Variants in RHEB observed in about 807,000 individuals in gnomAD.
The protein encoded by RHEB is GTP-binding protein Rheb.
In RHEB, 2 loss-of-function variants were observed where a neutral mutation model predicts 28.8. The observed-to-expected ratio is 0.07, with a 90% CI of 0.03 to 0.22. The LOEUF is 0.22. Among genes scored for constraint, RHEB ranks in the 10% least tolerant of loss-of-function variants. The probability of loss-of-function intolerance (pLI) is 1.00; values close to 1 mark genes in which losing one functional copy is unlikely to be tolerated. For synonymous variants in RHEB, 69 were observed against 77.3 expected (o/e 0.89, Z 0.56); for missense variants, 76 against 219.9 (o/e 0.35, Z 4.14).
intron 4 of RHEB, among the ~76,000 whole-genome samples, chr7:151,473,383 T>C (rs1802200315): frequency 6.6e-6 from 1 of 152,152 alleles, no homozygotes; most frequent in South Asian, 2.1e-4. Flanking sequence ...CAGGCAAGCC[T>C]TCAGATGGGA....
intron 1 of RHEB, chr7:151,502,257 A>C: frequency 1.9e-6 from 1 of 536,558 alleles, no homozygotes; most frequent in Non-Finnish European, 3.4e-6. Context: ...AGGAGCTTGG[A>C]GGCAGCCTGC....
intron 1 of RHEB, among the ~76,000 whole-genome samples, chr7:151,506,290 T>A (rs892455072): frequency 2.0e-5 from 3 of 151,812 alleles, no homozygotes; most frequent in African/African-American, 7.3e-5. Context: ...TCTCAAATGA[T>A]CCTCTCACCT....
chr7:151,513,714 C>A (rs868866028), intron 1 of RHEB, among the ~76,000 whole-genome samples: 18 of 152,120 alleles, frequency 1.2e-4, no homozygotes, highest in African/African-American at 4.1e-4. Flanking sequence ...TATGAAGTTT[C>A]GGTATCAAAG....
chr7:151,493,659 A>C lies in RHEB; in HGVS notation c.53-2645T>G, dbSNP rs184096375. Among the ~76,000 whole-genome samples, 150 of 152,360 alleles carry C rather than the reference A, an allele frequency of 9.8e-4. 4 individuals carry two copies. The East Asian group carries it at 0.019, about 19-fold the overall frequency. On this transcript the variant is annotated intron_variant, in intron 1 of 7. Coordinates refer to ENST00000262187, the MANE Select transcript of RHEB (RefSeq NM_005614.4). ...AAACACAGTTCAACAGAAATTAAGAAACAATTCAATTAGTATTTATTGGTA... is the reference window on the plus strand; with the variant it reads ...AAACACAGTTCAACAGAAATTAAGACACAATTCAATTAGTATTTATTGGTA...
At chr7:151,485,944 A>G (rs901457235) in intron 2 of RHEB, among the ~76,000 whole-genome samples, 1 of 152,256 alleles carries the variant, frequency 6.6e-6, no homozygotes, top group Non-Finnish European at 1.5e-5. Context: ...TCCGGAAGTT[A>G]TCACTTTTAG....
chr7:151,487,772 A>G (rs1479270619), intron 2 of RHEB, among the ~76,000 whole-genome samples: 4 of 152,186 alleles, frequency 2.6e-5, no homozygotes, highest in Non-Finnish European at 5.9e-5. Context: ...ACTCTCCTTG[A>G]GCCCCTTTCT....
chr7:151,501,659 G>A (rs1802773381), intron 1 of RHEB, among the ~76,000 whole-genome samples: 1 of 152,172 alleles, frequency 6.6e-6, no homozygotes, highest in Non-Finnish European at 1.5e-5. Context: ...GTTTATACTG[G>A]TTTTACTCAT....
In RHEB at chr7:151,468,295, AACCAC is replaced by A. The variant is rs1230045033; in HGVS notation, c.463-1089_463-1085del. ...TATTATTACATCTCCCCTGTCCCTTAACCACTTCTTGCTGCTCCTTTCCCTCTCGG... is the reference window on the plus strand; with the variant it reads ...TATTATTACATCTCCCCTGTCCCTTATTCTTGCTGCTCCTTTCCCTCTCGG... On this transcript the variant is annotated intron_variant, in intron 7 of 7. Transcript: ENST00000262187. The surrounding 1 kb of genome is among the most constrained non-coding windows in gnomAD (Gnocchi z 4.3). 3.3e-5 allele frequency among the ~76,000 whole-genome samples: 5 copies of A among 152,146 alleles called. No homozygotes were observed. The highest frequency in any genetic ancestry group is 1.2e-4 in the African/African-American group (5 of 41,440).
intron 1 of RHEB, among the ~76,000 whole-genome samples, chr7:151,507,950 A>G (rs988001620): frequency 8.5e-5 from 13 of 152,204 alleles, no homozygotes; most frequent in Non-Finnish European, 1.5e-5. Flanking sequence ...AAAGGCCATA[A>G]AACTGTTTCC....
chr7:151,493,208 C>T (rs188973738), intron 1 of RHEB, among the ~76,000 whole-genome samples: 1 of 152,226 alleles, frequency 6.6e-6, no homozygotes, highest in Admixed American at 6.5e-5. Flanking sequence ...CCACTCTGAC[C>T]TCATCCGCCA....
intron 1 of RHEB, among the ~76,000 whole-genome samples, chr7:151,506,152 G>C (rs745720035): frequency 3.5e-4 from 52 of 150,338 alleles, no homozygotes; most frequent in Non-Finnish European, 6.6e-4. Context: ...ACTTGATTTA[G>C]GAAAAAAAGA....
intron 1 of RHEB, among the ~76,000 whole-genome samples, chr7:151,515,851 T>C (rs1803067223): frequency 6.6e-6 from 1 of 152,220 alleles, no homozygotes; most frequent in African/African-American, 2.4e-5. Flanking sequence ...CAAAGCTGTT[T>C]CATTTTCCCC....
At chr7:151,479,082 T>C (rs1351339393) in intron 3 of RHEB, among the ~76,000 whole-genome samples, 2 of 151,988 alleles carry the variant, frequency 1.3e-5, no homozygotes, top group Non-Finnish European at 2.9e-5. Context: ...GGCAGCTGAG[T>C]AGAAATCATA....
At chr7:151,505,660 A>G (rs919331387) in intron 1 of RHEB, among the ~76,000 whole-genome samples, 1 of 152,228 alleles carries the variant, frequency 6.6e-6, no homozygotes, top group Non-Finnish European at 1.5e-5. Context: ...GGTATTTACC[A>G]AAGAGAAATG....
At chr7:151,505,976 G>T (rs565778260) in intron 1 of RHEB, among the ~76,000 whole-genome samples, 3 of 152,092 alleles carry the variant, frequency 2.0e-5, no homozygotes, top group Non-Finnish European at 2.9e-5. Context: ...GTGCTTCCCG[G>T]GGAGCTGGGG....
intron 7 of RHEB, 56 bp downstream of exon 7, chr7:151,470,515 A>G: frequency 8.3e-7 from 1 of 1,205,068 alleles, no homozygotes; most frequent in Non-Finnish European, 1.2e-6. Context: ...TGCAAGGAAC[A>G]CATCCCTGCG....
At chr7:151,476,683 C>T (rs1360566835) in intron 4 of RHEB, among the ~76,000 whole-genome samples, 1 of 152,212 alleles carries the variant, frequency 6.6e-6, no homozygotes, top group Non-Finnish European at 1.5e-5. Context: ...CCACCAAACG[C>T]CCTCCACTGG....
At chr7:151,471,673 G>T in intron 4 of RHEB, 68 bp from the exon 5 acceptor site, 1 of 1,008,790 alleles carries the variant, frequency 9.9e-7, no homozygotes, top group Non-Finnish European at 1.5e-6. Context: ...ATGTTATGTT[G>T]CCAGCTGGAA....
intron 3 of RHEB, among the ~76,000 whole-genome samples, chr7:151,482,058 T>G (rs1325745432): frequency 6.6e-6 from 1 of 152,244 alleles, no homozygotes; most frequent in Admixed American, 6.5e-5. Flanking sequence ...TCTCCAAGTA[T>G]TAAGAACATG....
Sources: gnomAD v4.1 joint callset for allele counts (sites outside exome capture counted in the v4.1 genomes callset) on GRCh38, gnomAD v4.1.1 for gene constraint, Gnocchi (gnomAD v3.1) non-coding constraint, MANE v1.5 for transcripts, NCBI Gene and HGNC (gene_info 2026-07-23, HGNC 2026-07-21) for gene names.